SRL: variants seen among roughly 807,000 people sequenced by gnomAD.
The protein encoded by SRL is sarcalumenin.
A neutral mutation model predicts 39.5 loss-of-function variants in SRL; 23 were observed. That is an observed-to-expected ratio of 0.58 (90% confidence interval 0.42 to 0.82). SRL has a LOEUF of 0.82. SRL is among the 40% of genes least tolerant of loss of function. The pLI is 0.00. For synonymous variants in SRL, 272 were observed against 237.4 expected (o/e 1.15, Z -1.34); for missense variants, 592 against 607.8 (o/e 0.97, Z 0.27).
At chr16:4,225,226 T>C (rs1371775336) in intron 1 of SRL, among the ~76,000 whole-genome samples, 2 of 152,156 alleles carry the variant, frequency 1.3e-5, no homozygotes, top group Non-Finnish European at 2.9e-5. Context: ...AACTACTGAA[T>C]TGTATGCTTT....
intron 1 of SRL, among the ~76,000 whole-genome samples, chr16:4,210,484 A>ATTTT (rs1307381191): frequency 2.9e-5 from 2 of 68,786 alleles, no homozygotes; most frequent in Admixed American, 1.9e-4. Context: ...TATTACTCAT[A>ATTTT]TCTTTTTTTT....
intron 3 of SRL, among the ~76,000 whole-genome samples, chr16:4,200,102 G>A (rs2052207326): frequency 1.3e-5 from 2 of 152,154 alleles, no homozygotes; most frequent in Admixed American, 1.3e-4. Flanking sequence ...TAACCAGGTG[G>A]TGTCTTATAC....
chr16:4,220,750 T>C (rs1472512077), intron 1 of SRL, among the ~76,000 whole-genome samples: 1 of 152,048 alleles, frequency 6.6e-6, no homozygotes, highest in Non-Finnish European at 1.5e-5. Flanking sequence ...TAACTCTGGG[T>C]GGCTGAGGCA....
intron 1 of SRL, among the ~76,000 whole-genome samples, chr16:4,235,006 C>T (rs554318653): frequency 2.0e-5 from 3 of 152,172 alleles, no homozygotes; most frequent in African/African-American, 7.2e-5. Context: ...ATCTGTGCTG[C>T]GAGTCACCAG....
Position 4,189,698 on chromosome 16 carries a change from G to C in SRL, c.*2455C>G, listed in dbSNP as rs984020177. 6.6e-6 allele frequency: 1 copy of C among 152,430 alleles called. No individual in the cohort carries two copies. The highest frequency in any genetic ancestry group is 2.4e-5 in the African/African-American group (1 of 41,590). 9.4% of individuals were successfully genotyped at this position (152,430 alleles called of 1,614,324 possible). ...CGGAAAGAAAAGCCCAAGGCAGGGA[G>C]AGCATGCTGATAACGCAGCCCCCTG... On this transcript the variant is annotated 3_prime_UTR_variant, in exon 6 of 6. Coordinates refer to ENST00000399609, the MANE Select transcript of SRL (RefSeq NM_001098814.2).
At chr16:4,228,763 G>T (rs1273700559) in intron 1 of SRL, among the ~76,000 whole-genome samples, 1 of 151,854 alleles carries the variant, frequency 6.6e-6, no homozygotes, top group Non-Finnish European at 1.5e-5. Context: ...GAAAGAAAAA[G>T]TGAAAAAGAA....
chr16:4,206,255 A>T (rs1407793184), intron 1 of SRL, among the ~76,000 whole-genome samples: 3 of 152,032 alleles, frequency 2.0e-5, no homozygotes, highest in Non-Finnish European at 4.4e-5. Context: ...TCATCTCATG[A>T]TCCTGACCCC....
intron 1 of SRL, among the ~76,000 whole-genome samples, chr16:4,210,592 G>A (rs2052381662): frequency 6.8e-6 from 1 of 147,970 alleles, no homozygotes; most frequent in African/African-American, 2.5e-5. Context: ...CCGGGTTCAA[G>A]CGATTCTTCT....
chr16:4,206,739 T>C, intron 1 of SRL: 2 of 429,190 alleles, frequency 4.7e-6, no homozygotes, highest in Non-Finnish European at 9.1e-6. Context: ...TGGGCAACAA[T>C]GATGGGACTC....
intron 1 of SRL, among the ~76,000 whole-genome samples, chr16:4,213,791 G>C (rs1323587179): frequency 6.6e-6 from 1 of 152,204 alleles, no homozygotes; most frequent in East Asian, 1.9e-4. Context: ...ATCTTTCCAA[G>C]GTAGTTTCCT....
chr16:4,195,754 G>A lies in SRL; in HGVS notation c.409C>T (p.Leu137Phe), dbSNP rs2052131241. ...GTTTTCAGCTTAGGCCCATGCATGA[G>A]GACCGTGAACTCAGAGGTGGTGGGT... ...AEPTTSEFTV[L>F]MHGPKLKTIE... is the part of the protein sequence containing the mutation. Residue 137 changes from leucine to phenylalanine, a missense_variant, in exon 5 of 6, where the codon CTC becomes TTC. By Grantham distance (22) the Leu-to-Phe change is conservative. Transcript: ENST00000399609. The A allele has an allele frequency of 1.9e-6, 3 of 1,614,082 alleles. No individual in the cohort carries two copies. In the East Asian group the frequency reaches 6.7e-5, roughly 36 times the overall value.
At position 4,190,162 on chromosome 16, in the gene SRL, A is replaced by T; in HGVS notation, c.*1991T>A. The T allele has an allele frequency of 2.5e-6, 1 of 397,828 alleles. No homozygotes were observed. The highest frequency in any genetic ancestry group is 4.4e-6 in the Non-Finnish European group (1 of 226,050). 24.6% of individuals were successfully genotyped at this position (397,828 alleles called of 1,614,324 possible). On this transcript the variant is annotated 3_prime_UTR_variant, in exon 6 of 6. Coordinates refer to ENST00000399609, the MANE Select transcript of SRL (RefSeq NM_001098814.2). ...GGGTCCAGGCCCTCCACAAAGCCAA[A>T]CGCAACGGCCCCTGTGACAGCATGC...
intron 1 of SRL, among the ~76,000 whole-genome samples, chr16:4,217,468 T>C (rs2052473148): frequency 6.6e-6 from 1 of 152,144 alleles, no homozygotes; most frequent in African/African-American, 2.4e-5. Flanking sequence ...CCCAGGCTGG[T>C]CTCAAACTTC....
intron 4 of SRL, among the ~76,000 whole-genome samples, chr16:4,196,139 T>G (rs761440823): frequency 4.6e-5 from 7 of 151,980 alleles, no homozygotes; most frequent in Non-Finnish European, 1.0e-4. Context: ...TTTTGTATTT[T>G]TAGTAGAGAC....
chr16:4,212,409 C>G (rs940865316), intron 1 of SRL, among the ~76,000 whole-genome samples: 8 of 152,160 alleles, frequency 5.3e-5, no homozygotes, highest in Non-Finnish European at 1.2e-4. Context: ...TGGGAGCCTC[C>G]GATTACACTC....
rs71139622 is a variant in SRL, at chr16:4,199,364, CTTTTTTTTT to C, written c.260-1458_260-1450del. Among the ~76,000 whole-genome samples, 575 of 84,656 alleles carry C rather than the reference CTTTTTTTTT, an allele frequency of 6.8e-3. 3 individuals are homozygous for C. The highest frequency in any genetic ancestry group is 0.021 in the African/African-American group (510 of 24,526). 55.5% of individuals were successfully genotyped at this position (84,656 alleles called of 152,430 possible). A position where few individuals can be genotyped will look rare whatever the true frequency, so the allele number is the denominator to read the frequency against. Reference sequence around the variant, plus strand: ...TATTTGTAGCTAACATATTCCCCATCTTTTTTTTTTTTTTTTTTTTTTTTTGAGACAGTG... The same window carrying C: ...TATTTGTAGCTAACATATTCCCCATCTTTTTTTTTTTTTTTTGAGACAGTG... On this transcript the variant is annotated intron_variant, in intron 3 of 5. Coordinates refer to ENST00000399609, the MANE Select transcript of SRL (RefSeq NM_001098814.2).
chr16:4,219,442 C>A (rs2141053570), intron 1 of SRL, among the ~76,000 whole-genome samples: 1 of 152,260 alleles, frequency 6.6e-6, no homozygotes, highest in Admixed American at 6.5e-5. Flanking sequence ...ACAGTAGTGT[C>A]AGGCTGGCGC....
chr16:4,208,525 G>A (rs2052354959), intron 1 of SRL, among the ~76,000 whole-genome samples: 1 of 152,188 alleles, frequency 6.6e-6, no homozygotes, highest in Admixed American at 6.5e-5. Flanking sequence ...GCTCAACCTT[G>A]GAGATGCTTC....
At chr16:4,223,258 G>GCAATTC (rs1364154216) in intron 1 of SRL, among the ~76,000 whole-genome samples, 1 of 143,786 alleles carries the variant, frequency 7.0e-6, no homozygotes, top group Non-Finnish European at 1.5e-5. Context: ...AAGCAAAAAA[G>GCAATTC]CAATTCCTAA....
Sources: gnomAD v4.1 joint callset for allele counts (sites outside exome capture counted in the v4.1 genomes callset) on GRCh38, gnomAD v4.1.1 for gene constraint, MANE v1.5 for transcripts, NCBI Gene and HGNC (gene_info 2026-07-23, HGNC 2026-07-21) for gene names.